Variants in SELENOI observed in about 807,000 individuals in gnomAD.
SELENOI encodes ethanolaminephosphotransferase 1.
Under a neutral mutation model 50.7 loss-of-function variants are expected in SELENOI, and 24 were observed. The observed-to-expected ratio is 0.47, with a 90% CI of 0.34 to 0.67. SELENOI has a LOEUF of 0.67. Ranked by LOEUF, SELENOI falls within the 30% of genes least tolerant of loss-of-function variation. The pLI, the probability that SELENOI is intolerant of heterozygous loss-of-function variation, is 0.01. For missense variants in SELENOI, 352 were observed against 461.4 expected (o/e 0.76, Z 2.17); for synonymous variants, 155 against 170.2 (o/e 0.91, Z 0.70).
At chr2:26,383,052 G>T (rs531487679) in intron 6 of SELENOI, among the ~76,000 whole-genome samples, 1 of 152,110 alleles carries the variant, frequency 6.6e-6, no homozygotes, top group Non-Finnish European at 1.5e-5. Context: ...CTGAAGTCCC[G>T]TAATCAGTTC....
At chr2:26,373,870 G>T (rs192003591) in intron 5 of SELENOI, among the ~76,000 whole-genome samples, 84 of 152,242 alleles carry the variant, frequency 5.5e-4, no homozygotes, top group African/African-American at 2.0e-3. Flanking sequence ...TGAGGCTGAG[G>T]CCTCCCGAGT....
intron 1 of SELENOI, among the ~76,000 whole-genome samples, chr2:26,361,131 A>T (rs1677167700): frequency 6.6e-6 from 1 of 152,188 alleles, no homozygotes; most frequent in South Asian, 2.1e-4. Flanking sequence ...GGAGAATGGC[A>T]TGAACCTGGG....
At chr2:26,356,022 G>C (rs773714919) in intron 1 of SELENOI, among the ~76,000 whole-genome samples, 53 of 152,184 alleles carry the variant, frequency 3.5e-4, no homozygotes, top group Non-Finnish European at 7.3e-5. Context: ...CATTATTGGC[G>C]TGAGCCACCT....
rs566970065 is a variant in SELENOI, at chr2:26,367,710, A to G, written c.310+490A>G. On this transcript the variant is annotated intron_variant, in intron 4 of 9. Transcript: ENST00000260585. ...TATGTAATAATTAAAAAATAGTATG[A>G]TAGAACACAGTGGGAAAACAAATAA... Among the ~76,000 whole-genome samples, 28 of 152,320 alleles carry G rather than the reference A, an allele frequency of 1.8e-4. 1 individual carries two copies. In the South Asian group the frequency reaches 5.2e-3, roughly 28 times the overall value.
At chr2:26,359,137 A>G (rs574530698) in intron 1 of SELENOI, among the ~76,000 whole-genome samples, 2 of 152,158 alleles carry the variant, frequency 1.3e-5, no homozygotes, top group Non-Finnish European at 2.9e-5. Flanking sequence ...AGTGTTATGT[A>G]TTTGTTGCAA....
chr2:26,361,692 A>G (rs1158583118), intron 1 of SELENOI, among the ~76,000 whole-genome samples: 1 of 150,066 alleles, frequency 6.7e-6, no homozygotes, highest in Non-Finnish European at 1.5e-5. Context: ...CTCACTCTGT[A>G]GTCTAGGCTG....
chr2:26,381,704 GTCT>G (rs1252536282), intron 6 of SELENOI, among the ~76,000 whole-genome samples: 11 of 152,130 alleles, frequency 7.2e-5, no homozygotes, highest in African/African-American at 2.4e-4. Context: ...ACCTCAGGTG[GTCT>G]TCTCCTTCCT....
intron 1 of SELENOI, among the ~76,000 whole-genome samples, chr2:26,349,201 G>A (rs563684452): frequency 6.6e-5 from 10 of 150,932 alleles, no homozygotes; most frequent in Non-Finnish European, 1.2e-4. Flanking sequence ...TTTTAGTAGC[G>A]GTGCATTTCT....
In SELENOI at chr2:26,383,336, A is replaced by G. The variant is rs780934258; in HGVS notation, c.720A>G (p.Leu240=). ...GTGTGACTCTTCCAATGAGTTTATTAAACTTTTTCAGGTAAGTATTTTATT... is the reference window on the plus strand; with the variant it reads ...GTGTGACTCTTCCAATGAGTTTATTGAACTTTTTCAGGTAAGTATTTTATT... The part of the protein sequence containing the change: ...ALCVTLPMSL[L]NFFRSYKNNT... Residue 240 remains leucine, a synonymous_variant, in exon 7 of 10, where the codon TTA becomes TTG. Transcript: ENST00000260585. 3.9e-6 allele frequency: 6 copies of G among 1,538,692 alleles called. No homozygotes were observed. Among genetic ancestry groups the G allele is most frequent in the Non-Finnish European group, 5.3e-6 (6 of 1,133,840 alleles).
chr2:26,373,445 G>A lies in SELENOI; in HGVS notation c.389G>A (p.Ser130Asn). 6.2e-7 allele frequency: 1 copy of A among 1,613,810 alleles called. No individual in the cohort carries two copies. ...GAGCTTTTTGATCATGGCCTGGATA[G>A]TTGGTCATGTGTTTACTTTGTTGTG... ...LGELFDHGLD[S>N]WSCVYFVVTV... is the part of the protein sequence containing the mutation. The change falls in exon 5 of 10, where the codon AGT (serine) becomes AAT (asparagine). Residue 130 changes from serine (S) to asparagine (N), a missense_variant. Physicochemically the swap from Ser to Asn is conservative, Grantham distance 46. Coordinates refer to ENST00000260585, the MANE Select transcript of SELENOI (RefSeq NM_033505.4).
intron 3 of SELENOI, 147 bp downstream of exon 3, chr2:26,365,087 T>C: frequency 1.8e-6 from 1 of 559,652 alleles, no homozygotes; most frequent in Non-Finnish European, 3.0e-6. Context: ...ATTAGATATG[T>C]TGTCTAAAAA....
intron 1 of SELENOI, among the ~76,000 whole-genome samples, chr2:26,350,509 G>A (rs1016348552): frequency 1.2e-4 from 19 of 152,232 alleles, no homozygotes; most frequent in Admixed American, 3.3e-4. Flanking sequence ...AGGGGCCACC[G>A]TGCCTGGCCA....
At chr2:26,374,479 T>C (rs1029181575) in intron 5 of SELENOI, among the ~76,000 whole-genome samples, 6 of 152,152 alleles carry the variant, frequency 3.9e-5, no homozygotes, top group Non-Finnish European at 8.8e-5. Context: ...AATTTATGAG[T>C]TGCTGTTAAA....
intron 1 of SELENOI, among the ~76,000 whole-genome samples, chr2:26,355,277 A>G (rs1005304227): frequency 6.6e-6 from 1 of 152,228 alleles, no homozygotes; most frequent in Non-Finnish European, 1.5e-5. Context: ...AAGGGTGGCA[A>G]CGTAATGGAC....
At chr2:26,385,678 T>C (rs994159810) in intron 8 of SELENOI, among the ~76,000 whole-genome samples, 1 of 152,222 alleles carries the variant, frequency 6.6e-6, no homozygotes, top group African/African-American at 2.4e-5. Context: ...GAAAAGACTC[T>C]GATAGTCCTG....
chr2:26,370,826 G>A (rs1258499369), intron 4 of SELENOI, among the ~76,000 whole-genome samples: 4 of 134,852 alleles, frequency 3.0e-5, no homozygotes, highest in African/African-American at 5.5e-5. Context: ...TGGCCGGGCG[G>A]GGGGCTGACA....
At chr2:26,384,885 T>C in intron 7 of SELENOI, 74 bp from the exon 8 acceptor site, 1 of 1,065,098 alleles carries the variant, frequency 9.4e-7, no homozygotes, top group Non-Finnish European at 1.3e-6. Flanking sequence ...ATAAGGAAAC[T>C]ATAAACTACA....
chr2:26,357,436 C>T (rs958320875), intron 1 of SELENOI, among the ~76,000 whole-genome samples: 1 of 152,180 alleles, frequency 6.6e-6, no homozygotes, highest in African/African-American at 2.4e-5. Flanking sequence ...CCTCCTAAGG[C>T]TGCCATAAAA....
At chr2:26,351,470 T>C (rs1676958068) in intron 1 of SELENOI, among the ~76,000 whole-genome samples, 1 of 152,214 alleles carries the variant, frequency 6.6e-6, no homozygotes, top group Non-Finnish European at 1.5e-5. Context: ...CTTTGCACCA[T>C]CGTAAAGTTG....
Sources: allele counts gnomAD v4.1 joint callset (sites outside exome capture counted in the v4.1 genomes callset), GRCh38; gene constraint gnomAD v4.1.1; transcripts MANE v1.5; gene names NCBI Gene and HGNC (gene_info 2026-07-23, HGNC 2026-07-21).